SEMA6B: variants seen among roughly 807,000 people sequenced by gnomAD.
SEMA6B encodes the protein semaphorin-6B.
SEMA6B carries 47 observed loss-of-function variants against 78.6 expected under a neutral mutation model. That is an observed-to-expected ratio of 0.60 (90% CI 0.47 to 0.76). SEMA6B has a LOEUF of 0.76. Among genes scored for constraint, SEMA6B ranks in the 30% least tolerant of loss-of-function variants. The pLI is 0.00. For synonymous variants in SEMA6B, 632 were observed against 592.2 expected, an observed-to-expected ratio of 1.07 and a Z score of -0.98; for missense variants, 1,213 against 1,269.9, an observed-to-expected ratio of 0.96 and a Z score of 0.68.
At chr19:4,553,909 A>G (rs1977404016) in intron 9 of SEMA6B, among the ~76,000 whole-genome samples, 1 of 151,870 alleles carries the variant, frequency 6.6e-6, no homozygotes, top group Admixed American at 6.6e-5. Context: ...GGGTGGCTAG[A>G]TGAATCGATG....
chr19:4,558,359 C>G lies in SEMA6B; in HGVS notation c.99G>C (p.Pro33=). ...CACAGTCCCTGGGGGCCACGCTAAG[C>G]GGCGGCGGCTCCTCAGGAAAGAGGC... ...AHGLFPEEPP[P]LSVAPRDYLN... The change falls in exon 2 of 17, where the codon CCG becomes CCC. Residue 33 remains proline, a synonymous_variant. Transcript: ENST00000586582. This position sits in a 1 kb window ranked among gnomAD's most constrained non-coding sequence, Gnocchi z 5.1. 1.5e-6 allele frequency: 2 copies of G among 1,297,468 alleles called. No individual in the cohort carries two copies. Among genetic ancestry groups the G allele is most frequent in the Non-Finnish European group, 2.0e-6 (2 of 1,013,972 alleles). The allele number at this position is 1,297,468 out of a possible 1,614,324, so 80.4% of individuals were successfully genotyped here.
chr19:4,554,679 A>G (rs1215843585), intron 8 of SEMA6B, among the ~76,000 whole-genome samples: 6 of 152,236 alleles, frequency 3.9e-5, no homozygotes, highest in Non-Finnish European at 8.8e-5. Flanking sequence ...AAATGGCAAC[A>G]TCAACTATTT....
At position 4,548,394 on chromosome 19, in the gene SEMA6B, G is replaced by A. The variant is rs752718429; in HGVS notation, c.1323C>T (p.Asn441=). ...CAGAACCCAGGAAGACAACGGTCTG[G>A]TTGCCCCAGGGGCCGGCTCCCACGT... The part of the protein sequence containing the change: ...AVDVGAGPWG[N]QTVVFLGSEA... Residue 441 remains asparagine, a synonymous_variant, in exon 13 of 17, where the codon AAC becomes AAT. Coordinates refer to ENST00000586582, the MANE Select transcript of SEMA6B (RefSeq NM_032108.4). The A allele has an allele frequency of 5.6e-5, 91 of 1,613,532 alleles. No homozygotes were observed. The Admixed American group carries it at 1.5e-3, about 26-fold the overall frequency.
Position 4,555,675 on chromosome 19 carries a change from G to A in SEMA6B, c.472-111C>T. The stretch of plus-strand genomic sequence containing the variant: ...ATCCTGATCCACCACGGATTACTGT[G>A]TGACCTTGGCCACTCACTTAACCTC... On this transcript the variant is annotated intron_variant, in intron 6 of 16. Coordinates refer to ENST00000586582, the MANE Select transcript of SEMA6B (RefSeq NM_032108.4). This position sits in a 1 kb window ranked among gnomAD's most constrained non-coding sequence, Gnocchi z 6.1. 1 of 897,570 alleles carries A rather than the reference G, an allele frequency of 1.1e-6. No homozygotes were observed. Among genetic ancestry groups the A allele is most frequent in the Non-Finnish European group, 1.7e-6 (1 of 572,282 alleles). 55.6% of individuals were successfully genotyped at this position (897,570 alleles called of 1,614,324 possible). A position where few individuals can be genotyped will look rare whatever the true frequency, so the allele number is the denominator to read the frequency against.
chr19:4,554,236 G>A (rs1276805155), intron 9 of SEMA6B, 152 bp downstream of exon 9: 1 of 657,698 alleles, frequency 1.5e-6, no homozygotes, highest in Non-Finnish European at 2.7e-6. Context: ...TTCAGCCTCA[G>A]GGCCTGATCA....
chr19:4,546,261 G>C lies in SEMA6B; in HGVS notation c.1693C>G (p.Gln565Glu). Residue 565 changes from glutamine (Q) to glutamate (E), a missense_variant, in exon 16 of 17, where the codon CAG becomes GAG. By Grantham distance (29) the Gln-to-Glu change is conservative. Transcript: ENST00000586582. Reference sequence around the variant, plus strand: ...GAGGTGCTGGCCCCGGACACGTCCTGCTCAAAGGCGGCTCTAATGGGGAGA... The same window carrying C: ...GAGGTGCTGGCCCCGGACACGTCCTCCTCAAAGGCGGCTCTAATGGGGAGA... Reference protein sequence around the residue: ...LSPGTRAAFEQDVSGASTSGL... With the variant: ...LSPGTRAAFEEDVSGASTSGL... The C allele has an allele frequency of 6.2e-7, 1 of 1,613,434 alleles. No individual in the cohort carries two copies.
chr19:4,551,211 C>T (rs1411131456), intron 10 of SEMA6B, among the ~76,000 whole-genome samples: 1 of 151,136 alleles, frequency 6.6e-6, no homozygotes, highest in Non-Finnish European at 1.5e-5. Flanking sequence ...GAGCCCACTC[C>T]CCAGCAGGCT....
At chr19:4,557,116 G>A in intron 4 of SEMA6B, 47 bp downstream of exon 4, 1 of 1,591,128 alleles carries the variant, frequency 6.3e-7, no homozygotes, top group South Asian at 1.1e-5. Context: ...GCAGTGCCGC[G>A]TCCCCCTGGC....
rs1977535687 is a variant in SEMA6B at position 4,558,466 on chromosome 19, C to A, written c.-9G>T. ...GCTCGCGGGGTCTGCATGGCGAGGG[C>A]CAGGCGACAGGAGGAGGTGACGCCT... On this transcript the variant is annotated 5_prime_UTR_variant, in exon 2 of 17. Coordinates refer to ENST00000586582, the MANE Select transcript of SEMA6B (RefSeq NM_032108.4). This position sits in a 1 kb window ranked among gnomAD's most constrained non-coding sequence, Gnocchi z 5.1. The A allele has an allele frequency of 8.1e-7, 1 of 1,241,898 alleles. No individual in the cohort carries two copies. Among genetic ancestry groups the A allele is most frequent in the East Asian group, 3.1e-5 (1 of 31,806 alleles). 76.9% of individuals were successfully genotyped at this position (1,241,898 alleles called of 1,614,324 possible). A position where few individuals can be genotyped will look rare whatever the true frequency, so the allele number is the denominator to read the frequency against.
chr19:4,543,521 C>A lies in SEMA6B; in HGVS notation c.*80G>T. 1 of 750,470 alleles carries A rather than the reference C, an allele frequency of 1.3e-6. No homozygotes were observed. The highest frequency in any genetic ancestry group is 1.8e-6 in the Non-Finnish European group (1 of 548,620). The allele number at this position is 750,470 out of a possible 1,614,324, so 46.5% of individuals were successfully genotyped here. A position where few individuals can be genotyped will look rare whatever the true frequency, so the allele number is the denominator to read the frequency against. ...ACTTGAGCACCCACTCGGAGTTGCC[C>A]CGGGCCCCGGCGTTCTGGCACCGTC... On this transcript the variant is annotated 3_prime_UTR_variant, in exon 17 of 17. Coordinates refer to ENST00000586582, the MANE Select transcript of SEMA6B (RefSeq NM_032108.4).
Position 4,558,107 on chromosome 19 carries a change from C to T in SEMA6B, c.164G>A (p.Arg55His), listed in dbSNP as rs768420508. 1.3e-5 allele frequency: 20 copies of T among 1,528,590 alleles called. No individual in the cohort carries two copies. Among genetic ancestry groups the T allele is most frequent in the Non-Finnish European group, 1.6e-5 (18 of 1,130,562 alleles). The allele number at this position is 1,528,590 out of a possible 1,614,324, so 94.7% of individuals were successfully genotyped here. ...GTCAGCACCTTCTGCGGGGGTCAGG[C>T]GTCCGGGCCCGCTGCCCACAAACAC... ...YPVFVGSGPGRLTPAEGADDL... is the reference protein window; with the variant it reads ...YPVFVGSGPGHLTPAEGADDL... The change falls in exon 3 of 17, where the codon CGC becomes CAC. Residue 55 changes from arginine (R) to histidine (H), a missense_variant. Physicochemically the swap from Arg to His is conservative, Grantham distance 29. Coordinates refer to ENST00000586582, the MANE Select transcript of SEMA6B (RefSeq NM_032108.4). This position sits in a 1 kb window ranked among gnomAD's most constrained non-coding sequence, Gnocchi z 5.1.
rs1977280706 is a variant in SEMA6B, at chr19:4,550,070, C to T, written c.1271+53G>A. ...TTGAGCATCTGGATCCTCTCACCCT[C>T]CATCTACCCCATCCTGTCTCCCCTC... On this transcript the variant is annotated intron_variant, in intron 12 of 16. Transcript: ENST00000586582. The surrounding 1 kb of genome is among the most constrained non-coding windows in gnomAD (Gnocchi z 6.6). The T allele has an allele frequency of 8.8e-6, 14 of 1,584,314 alleles. No homozygotes were observed. The highest frequency in any genetic ancestry group is 2.0e-4 in the Middle Eastern group (1 of 5,046).
rs761439397 is a variant in SEMA6B at position 4,544,385 on chromosome 19, C to T, written c.1883G>A (p.Arg628Gln). 1.3e-5 allele frequency: 20 copies of T among 1,595,276 alleles called. No homozygotes were observed. The South Asian group carries it at 2.1e-4, about 17-fold the overall frequency. ...CTTGTCCTTGCGCCGGGCCAGCTCC[C>T]GCCGCTCACGGAGGCCCACGAACCA... is the stretch of plus-strand genomic sequence containing the variant. ...VGWFVGLRER[R>Q]ELARRKDKEA... The change falls in exon 17 of 17, where the codon CGG becomes CAG. Residue 628 changes from arginine to glutamine, a missense_variant. Physicochemically the swap from Arg to Gln is conservative, Grantham distance 43. Transcript: ENST00000586582. The surrounding 1 kb of genome is among the most constrained non-coding windows in gnomAD (Gnocchi z 5.1).
rs1193979529 is a variant in SEMA6B at position 4,544,459 on chromosome 19, C to T, written c.1809G>A (p.Ser603=). The T allele has an allele frequency of 3.1e-6, 5 of 1,599,550 alleles. No homozygotes were observed. The highest frequency in any genetic ancestry group is 1.7e-5 in the Admixed American group (1 of 58,970). Reference sequence around the variant, plus strand: ...CGGCTCCCACCACGAAGGCCGCCACCGACGACGTTACCAGCAGGTTCACCG... The same window carrying T: ...CGGCTCCCACCACGAAGGCCGCCACTGACGACGTTACCAGCAGGTTCACCG... ...LVSVNLLVTS[S]VAAFVVGAVV... The change falls in exon 17 of 17, where the codon TCG becomes TCA. Residue 603 remains serine (S), a synonymous_variant. Coordinates refer to ENST00000586582, the MANE Select transcript of SEMA6B (RefSeq NM_032108.4). The surrounding 1 kb of genome is among the most constrained non-coding windows in gnomAD (Gnocchi z 5.1).
chr19:4,557,102 C>T (rs1018621402), intron 4 of SEMA6B, 61 bp downstream of exon 4: 5 of 1,589,736 alleles, frequency 3.1e-6, no homozygotes, highest in Admixed American at 1.7e-5. Flanking sequence ...CCCAGCTCCC[C>T]GGCGCAGTGC....
chr19:4,548,474 C>T, intron 12 of SEMA6B, 29 bp from the exon 13 acceptor site: 2 of 1,594,896 alleles, frequency 1.3e-6, no homozygotes, highest in South Asian at 1.1e-5. Flanking sequence ...GAGGGTCAGG[C>T]TGGCCCCATA....
intron 9 of SEMA6B, 106 bp downstream of exon 9, chr19:4,554,282 G>C: frequency 1.1e-6 from 1 of 883,834 alleles, no homozygotes; most frequent in Non-Finnish European, 1.8e-6. Context: ...CAGAAATGGA[G>C]GGCAGGACCC....
At position 4,556,995 on chromosome 19, in the gene SEMA6B, T is replaced by G; in HGVS notation, c.325A>C (p.Asn109His). The change falls in exon 5 of 17, where the codon AAC becomes CAC. Residue 109 changes from asparagine to histidine, a missense_variant. Coordinates refer to ENST00000586582, the MANE Select transcript of SEMA6B (RefSeq NM_032108.4). ...RYQRKLTWRS[N>H]PSDINVCRMK... ...CGACACACGTTTATGTCGCTGGGGT[T>G]AGATCTCCAGGTCAGCTTCTGCAGA... 6.2e-7 allele frequency: 1 copy of G among 1,613,302 alleles called. No homozygotes were observed. Among genetic ancestry groups the G allele is most frequent in the Non-Finnish European group, 8.5e-7 (1 of 1,179,604 alleles).
intron 5 of SEMA6B, among the ~76,000 whole-genome samples, chr19:4,556,505 G>A (rs1470298133): frequency 1.2e-5 from 1 of 86,324 alleles, no homozygotes; most frequent in East Asian, 3.6e-4. Flanking sequence ...CGTGGCCTGG[G>A]CTTATTGGGG....
Sources: gnomAD v4.1 joint callset for allele counts (sites outside exome capture counted in the v4.1 genomes callset) on GRCh38, gnomAD v4.1.1 for gene constraint, Gnocchi (gnomAD v3.1) non-coding constraint, MANE v1.5 for transcripts, NCBI Gene and HGNC (gene_info 2026-07-23, HGNC 2026-07-21) for gene names.